Variants in GRIA4 observed in about 807,000 individuals in gnomAD.
GRIA4 encodes glutamate ionotropic receptor AMPA type subunit 4.
In GRIA4, 34 loss-of-function variants were observed where a neutral mutation model predicts 104.0. The ratio of observed to expected loss-of-function variants is 0.33; its 90% CI spans 0.25 to 0.44. The LOEUF (loss-of-function observed/expected upper bound fraction) is 0.44. GRIA4 is among the 20% of genes least tolerant of loss of function. The pLI, the probability that GRIA4 is intolerant of heterozygous loss-of-function variation, is 1.00. For synonymous variants in GRIA4, 386 were observed against 381.9 expected (o/e 1.01, Z -0.13); for missense variants, 750 against 1,096.5 (o/e 0.68, Z 4.46).
At chr11:105,721,039 T>G (rs984815269) in intron 3 of GRIA4, among the ~76,000 whole-genome samples, 1 of 152,192 alleles carries the variant, frequency 6.6e-6, no homozygotes, top group African/African-American at 2.4e-5. Context: ...TAAGTGGTTT[T>G]GGGTCCTTCT....
intron 16 of GRIA4, among the ~76,000 whole-genome samples, chr11:105,975,234 C>A (rs538905725): frequency 5.5e-4 from 83 of 152,242 alleles, no homozygotes; most frequent in South Asian, 1.0e-3. Context: ...CAAAGTATCA[C>A]TAAGGTAAAT....
At chr11:105,834,787 A>G (rs1392890012) in intron 4 of GRIA4, among the ~76,000 whole-genome samples, 1 of 151,096 alleles carries the variant, frequency 6.6e-6, no homozygotes, top group Non-Finnish European at 1.5e-5. Flanking sequence ...GTTCGAGCAG[A>G]CATCTAGGCC....
chr11:105,743,992 T>TA (rs1939491993), intron 3 of GRIA4, among the ~76,000 whole-genome samples: 1 of 152,200 alleles, frequency 6.6e-6, no homozygotes, highest in South Asian at 2.1e-4. Flanking sequence ...TACAATAGCC[T>TA]ACTTACTGGT....
intron 14 of GRIA4, among the ~76,000 whole-genome samples, chr11:105,954,777 T>C (rs1948541181): frequency 6.6e-6 from 1 of 151,904 alleles, no homozygotes; most frequent in South Asian, 2.1e-4. Context: ...AAAAACCTGA[T>C]ACAGTGGGGG....
chr11:105,780,221 A>C (rs1258473021), intron 4 of GRIA4, among the ~76,000 whole-genome samples: 1 of 152,214 alleles, frequency 6.6e-6, no homozygotes, highest in Admixed American at 6.5e-5. Context: ...TGGAATATTG[A>C]TATGATTGAC....
intron 11 of GRIA4, among the ~76,000 whole-genome samples, chr11:105,921,270 G>T (rs1947549946): frequency 6.6e-6 from 1 of 151,438 alleles, no homozygotes; most frequent in African/African-American, 2.4e-5. Context: ...GCAGTGTGCT[G>T]CTTCAGGGTC....
chr11:105,778,499 G>A (rs1187447507), intron 4 of GRIA4, among the ~76,000 whole-genome samples: 1 of 152,208 alleles, frequency 6.6e-6, no homozygotes, highest in Non-Finnish European at 1.5e-5. Context: ...GAGGTCAGGA[G>A]TTTGAGACCA....
chr11:105,965,897 C>T (rs1424000863), intron 14 of GRIA4: 13 of 1,259,252 alleles, frequency 1.0e-5, no homozygotes, highest in Non-Finnish European at 1.5e-5. Flanking sequence ...TTCCTTCTAA[C>T]ATCTTAACAG....
intron 3 of GRIA4, among the ~76,000 whole-genome samples, chr11:105,621,852 CA>C (rs1179246894): frequency 6.6e-6 from 1 of 151,818 alleles, no homozygotes; most frequent in Non-Finnish European, 1.5e-5. Flanking sequence ...GACTTGCCAA[CA>C]GTGACGATTA....
intron 4 of GRIA4, among the ~76,000 whole-genome samples, chr11:105,860,855 AG>A (rs1945195089): frequency 6.7e-6 from 1 of 150,198 alleles, no homozygotes; most frequent in Non-Finnish European, 1.5e-5. Context: ...GCTACTTGGG[AG>A]GCTGAGGCAG....
At chr11:105,963,504 TTAAAGAAAGGTAAA>T (rs1948790906) in intron 14 of GRIA4, among the ~76,000 whole-genome samples, 1 of 152,106 alleles carries the variant, frequency 6.6e-6, no homozygotes, top group Admixed American at 6.5e-5. Context: ...ACATGCATTA[TTAAAGAAAGGTAAA>T]TTTCATATAT....
intron 4 of GRIA4, among the ~76,000 whole-genome samples, chr11:105,823,236 G>C (rs932037198): frequency 6.6e-6 from 1 of 152,114 alleles, no homozygotes; most frequent in Non-Finnish European, 1.5e-5. Flanking sequence ...TTTAACCAGA[G>C]CTAGTTCTGA....
chr11:105,653,432 T>C (rs1951740242), intron 3 of GRIA4, among the ~76,000 whole-genome samples: 1 of 152,136 alleles, frequency 6.6e-6, no homozygotes, highest in South Asian at 2.1e-4. Flanking sequence ...CACAGCATGG[T>C]GACTCTGGAT....
rs1467566953 is a variant in GRIA4 at position 105,753,124 on chromosome 11, G to A, written c.391G>A (p.Val131Met). 1.2e-6 allele frequency: 2 copies of A among 1,613,702 alleles called. No homozygotes were observed. The highest frequency in any genetic ancestry group is 1.7e-6 in the Non-Finnish European group (2 of 1,179,878). ...CCCTACTGAGGGGGAGAGCCAGTTTGTGCTGCAACTAAGACCTTCGTTACG... is the reference window on the plus strand; with the variant it reads ...CCCTACTGAGGGGGAGAGCCAGTTTATGCTGCAACTAAGACCTTCGTTACG... ...SFPTEGESQF[V>M]LQLRPSLRGA... Residue 131 changes from valine (V) to methionine (M), a missense_variant, in exon 4 of 17, where the codon GTG (valine) becomes ATG (methionine). Transcript: ENST00000282499.
intron 4 of GRIA4, among the ~76,000 whole-genome samples, chr11:105,777,896 C>T (rs1207459033): frequency 6.6e-6 from 1 of 152,144 alleles, no homozygotes; most frequent in Admixed American, 6.5e-5. Flanking sequence ...ATGCAGAGAC[C>T]TCAGAAAGAG....
At chr11:105,758,202 C>T (rs147038792) in intron 4 of GRIA4, among the ~76,000 whole-genome samples, 1 of 152,214 alleles carries the variant, frequency 6.6e-6, no homozygotes, top group African/African-American at 2.4e-5. Context: ...TATGATTGGG[C>T]CACTGCATTT....
chr11:105,896,813 C>A (rs72976037), intron 6 of GRIA4, among the ~76,000 whole-genome samples: 12,492 of 152,114 alleles, frequency 0.082, 742 homozygotes, highest in Admixed American at 0.18. Context: ...GTTACTATAG[C>A]CTTATAGTAT....
intron 3 of GRIA4, among the ~76,000 whole-genome samples, chr11:105,653,424 C>T (rs1439188078): frequency 6.6e-6 from 1 of 152,142 alleles, no homozygotes; most frequent in Non-Finnish European, 1.5e-5. Context: ...GCAGCATGCA[C>T]AGCATGGTGA....
chr11:105,842,409 C>G (rs1944426884), intron 4 of GRIA4, among the ~76,000 whole-genome samples: 1 of 152,060 alleles, frequency 6.6e-6, no homozygotes, highest in African/African-American at 2.4e-5. Context: ...CGGGCCAAAA[C>G]AAGAAGAGAC....
Sources: allele counts gnomAD v4.1 joint callset (sites outside exome capture counted in the v4.1 genomes callset), GRCh38; gene constraint gnomAD v4.1.1; transcripts MANE v1.5; gene names NCBI Gene and HGNC (gene_info 2026-07-23, HGNC 2026-07-21).